Variants in XPR1 observed in about 807,000 individuals in gnomAD.
XPR1 encodes the protein solute carrier family 53 member 1.
A neutral mutation model predicts 87.5 loss-of-function variants in XPR1; 28 were observed. That is an observed-to-expected ratio of 0.32 (90% confidence interval 0.24 to 0.44). The LOEUF is 0.44. Ranked by LOEUF, XPR1 falls within the 20% of genes least tolerant of loss-of-function variation. The pLI, the probability that XPR1 is intolerant of heterozygous loss-of-function variation, is 1.00. For synonymous variants in XPR1, 300 were observed against 306.1 expected, an observed-to-expected ratio of 0.98 and a Z score of 0.21; for missense variants, 559 against 862.3, an observed-to-expected ratio of 0.65 and a Z score of 4.41.
intron 3 of XPR1, among the ~76,000 whole-genome samples, chr1:180,792,017 C>T (rs992025589): frequency 2.6e-5 from 4 of 152,152 alleles, no homozygotes; most frequent in African/African-American, 4.8e-5. Flanking sequence ...TAGAGTGACT[C>T]CTGCCAGATC....
Position 180,876,900 on chromosome 1 carries a change from G to T in XPR1, c.1808+2958G>T, listed in dbSNP as rs547479674. Among the ~76,000 whole-genome samples, 38 of 152,128 alleles carry T rather than the reference G, an allele frequency of 2.5e-4. 1 individual carries two copies. The highest frequency in any genetic ancestry group is 3.4e-3 in the Middle Eastern group (1 of 294). On this transcript the variant is annotated intron_variant, in intron 13 of 14. Transcript: ENST00000367590. Reference sequence around the variant, plus strand: ...GTATAGCTAGCGCAATGAGGAAAAAGAACTATCATAATTGGAAAGGAAAAA... The same window carrying T: ...GTATAGCTAGCGCAATGAGGAAAAATAACTATCATAATTGGAAAGGAAAAA...
chr1:180,635,054 A>G (rs1200140386), intron 1 of XPR1, among the ~76,000 whole-genome samples: 3 of 152,172 alleles, frequency 2.0e-5, no homozygotes, highest in African/African-American at 4.8e-5. Context: ...ATTATTAATG[A>G]TAATAACCCA....
chr1:180,696,204 GTGTGTATATATATATA>G (rs1210692612), intron 2 of XPR1, among the ~76,000 whole-genome samples: 5 of 102,408 alleles, frequency 4.9e-5, no homozygotes, highest in African/African-American at 1.1e-4. Context: ...GTGTGTGTGT[GTGTGTATATATATATA>G]TATATATATA....
rs1434762179 is a variant in XPR1 at position 180,714,348 on chromosome 1, G to GT, written c.121+31939dup. On this transcript the variant is annotated intron_variant, in intron 2 of 14. Transcript: ENST00000367590. ...GATTTTTCTCTCATATTTTTTCCCT[G>GT]TTCTCTCTCTCTCTCTCTCTCTCTC... Among the ~76,000 whole-genome samples, 30 of 78,302 alleles carry GT rather than the reference G, an allele frequency of 3.8e-4. 1 individual carries two copies. Among genetic ancestry groups the GT allele is most frequent in the African/African-American group, 1.6e-3 (30 of 19,308 alleles). The allele number at this position is 78,302 out of a possible 152,430, so 51.4% of individuals were successfully genotyped here. A position where few individuals can be genotyped will look rare whatever the true frequency, so the allele number is the denominator to read the frequency against.
intron 11 of XPR1, among the ~76,000 whole-genome samples, chr1:180,837,995 C>T (rs1002051915): frequency 9.9e-5 from 15 of 152,136 alleles, no homozygotes; most frequent in African/African-American, 3.1e-4. Context: ...CTGCAGTTGA[C>T]GCCTGAACAG....
intron 2 of XPR1, among the ~76,000 whole-genome samples, chr1:180,762,012 A>G (rs563883443): frequency 1.3e-5 from 2 of 151,806 alleles, no homozygotes; most frequent in African/African-American, 2.4e-5. Context: ...TCAGCAAACT[A>G]TCGCAAGGAC....
intron 2 of XPR1, among the ~76,000 whole-genome samples, chr1:180,723,859 T>C (rs1430223454): frequency 6.6e-6 from 1 of 152,206 alleles, no homozygotes; most frequent in Non-Finnish European, 1.5e-5. Context: ...GGCCGTTTCA[T>C]TATTGTGTCA....
intron 12 of XPR1, among the ~76,000 whole-genome samples, chr1:180,865,297 T>C (rs1652350606): frequency 6.6e-6 from 1 of 151,992 alleles, no homozygotes; most frequent in East Asian, 1.9e-4. Context: ...AATCAGAGAG[T>C]AGATAGGAGC....
chr1:180,674,513 C>T (rs1341693518), intron 1 of XPR1, among the ~76,000 whole-genome samples: 1 of 152,120 alleles, frequency 6.6e-6, no homozygotes, highest in Non-Finnish European at 1.5e-5. Flanking sequence ...CCCTCCTCGG[C>T]CTCCAAAAGT....
chr1:180,805,709 C>T (rs533027843), intron 4 of XPR1, among the ~76,000 whole-genome samples: 66 of 152,128 alleles, frequency 4.3e-4, no homozygotes, highest in Admixed American at 6.5e-4. Flanking sequence ...ATTCTTTTGA[C>T]CAAAGCAGCA....
intron 2 of XPR1, among the ~76,000 whole-genome samples, chr1:180,708,362 A>G (rs1323277220): frequency 6.6e-6 from 1 of 152,196 alleles, no homozygotes; most frequent in Non-Finnish European, 1.5e-5. Flanking sequence ...TGTGTGTTTG[A>G]GGTGATGAAA....
intron 2 of XPR1, among the ~76,000 whole-genome samples, chr1:180,782,940 A>G (rs1648997675): frequency 6.6e-6 from 1 of 151,778 alleles, no homozygotes; most frequent in African/African-American, 2.4e-5. Flanking sequence ...GGGCTCGTTG[A>G]TTTTTGAATG....
chr1:180,682,293 G>T, intron 1 of XPR1, 67 bp from the exon 2 acceptor site: 1 of 1,308,402 alleles, frequency 7.6e-7, no homozygotes, highest in Non-Finnish European at 1.1e-6. Context: ...GAACTGTTTA[G>T]CTTCAGATAC....
chr1:180,689,044 G>A (rs1656892611), intron 2 of XPR1, among the ~76,000 whole-genome samples: 1 of 152,018 alleles, frequency 6.6e-6, no homozygotes, highest in African/African-American at 2.4e-5. Context: ...AAGCATAAGT[G>A]TTTTCTACTC....
intron 2 of XPR1, among the ~76,000 whole-genome samples, chr1:180,732,204 A>T (rs1415579752): frequency 6.6e-6 from 1 of 151,916 alleles, no homozygotes; most frequent in Non-Finnish European, 1.5e-5. Context: ...AAAAAAAAAA[A>T]AAAAAAGAAG....
chr1:180,863,232 A>G (rs1652276829), intron 11 of XPR1, among the ~76,000 whole-genome samples: 1 of 152,126 alleles, frequency 6.6e-6, no homozygotes, highest in South Asian at 2.1e-4. Flanking sequence ...TCTGGTTGCC[A>G]TCATGATAAG....
intron 2 of XPR1, among the ~76,000 whole-genome samples, chr1:180,764,710 TC>T (rs1648203148): frequency 1.3e-5 from 2 of 151,700 alleles, no homozygotes; most frequent in African/African-American, 4.8e-5. Context: ...GCTCAAGTGA[TC>T]CACCCGCCTC....
intron 2 of XPR1, among the ~76,000 whole-genome samples, chr1:180,697,427 A>T (rs564571526): frequency 6.6e-6 from 1 of 151,030 alleles, no homozygotes; most frequent in African/African-American, 2.4e-5. Context: ...GATTGTTTGT[A>T]TATTTTTTTA....
At chr1:180,720,462 T>C (rs182714583) in intron 2 of XPR1, among the ~76,000 whole-genome samples, 8 of 152,286 alleles carry the variant, frequency 5.3e-5, no homozygotes, top group African/African-American at 1.9e-4. Flanking sequence ...AAAAGAAATT[T>C]GAAAATCATT....
Sources: gnomAD v4.1 joint callset for allele counts (sites outside exome capture counted in the v4.1 genomes callset) on GRCh38, gnomAD v4.1.1 for gene constraint, MANE v1.5 for transcripts, NCBI Gene and HGNC (gene_info 2026-07-23, HGNC 2026-07-21) for gene names.